Variants in MAGI2 observed in about 807,000 individuals in gnomAD.
MAGI2 encodes membrane-associated guanylate kinase, WW and PDZ domain-containing protein 2.
Under a neutral mutation model 133.3 loss-of-function variants are expected in MAGI2, and 35 were observed. The observed-to-expected ratio is 0.26, with a 90% CI of 0.20 to 0.35. MAGI2 has a LOEUF of 0.35. Among genes scored for constraint, MAGI2 ranks in the 10% least tolerant of loss-of-function variants. The pLI is 1.00. For synonymous variants in MAGI2, 729 were observed against 710.6 expected (o/e 1.03, Z -0.41); for missense variants, 1,636 against 1,863.4 (o/e 0.88, Z 2.25).
chr7:79,073,037 AAAC>A (rs926056311), intron 1 of MAGI2, among the ~76,000 whole-genome samples: 6 of 152,218 alleles, frequency 3.9e-5, no homozygotes, highest in East Asian at 1.9e-4. Flanking sequence ...AAACAAAAAC[AAAC>A]AACAACAACA....
intron 7 of MAGI2, among the ~76,000 whole-genome samples, chr7:78,355,065 G>A (rs1791922848): frequency 6.6e-6 from 1 of 152,152 alleles, no homozygotes; most frequent in Admixed American, 6.5e-5. Context: ...TTGTGACAGA[G>A]TTTTATATAA....
intron 2 of MAGI2, among the ~76,000 whole-genome samples, chr7:78,629,156 C>T (rs1185150438): frequency 1.3e-5 from 2 of 152,008 alleles, no homozygotes; most frequent in Admixed American, 1.3e-4. Context: ...CTTGGGAGGC[C>T]CATCAGTACT....
At chr7:78,233,903 AG>A (rs1790237040) in intron 10 of MAGI2, among the ~76,000 whole-genome samples, 1 of 152,174 alleles carries the variant, frequency 6.6e-6, no homozygotes, top group Non-Finnish European at 1.5e-5. Context: ...CCTTAGCATG[AG>A]GGAGAGAAAA....
At chr7:78,552,864 C>A (rs1046859404) in intron 3 of MAGI2, among the ~76,000 whole-genome samples, 2 of 151,960 alleles carry the variant, frequency 1.3e-5, no homozygotes, top group African/African-American at 4.8e-5. Flanking sequence ...GAAACAAGTT[C>A]GAAGGCAGAG....
chr7:79,115,996 A>G, intron 1 of MAGI2, among the ~76,000 whole-genome samples: 1 of 151,552 alleles, frequency 6.6e-6, no homozygotes, highest in Non-Finnish European at 1.5e-5. Context: ...TCTGCATCCC[A>G]TCAGCAAGGG....
intron 21 of MAGI2, among the ~76,000 whole-genome samples, chr7:78,038,409 T>G (rs770577542): frequency 3.5e-5 from 1 of 28,566 alleles, no homozygotes; most frequent in Non-Finnish European, 6.3e-5. Flanking sequence ...TTTTACTTTT[T>G]AATTAACTTT....
At chr7:79,013,186 A>G (rs1272655234) in intron 1 of MAGI2, among the ~76,000 whole-genome samples, 1 of 147,606 alleles carries the variant, frequency 6.8e-6, no homozygotes, top group Non-Finnish European at 1.5e-5. Context: ...TAACAAGACA[A>G]CCAAATTATT....
At chr7:78,375,225 C>T (rs1794326784) in intron 6 of MAGI2, among the ~76,000 whole-genome samples, 2 of 152,006 alleles carry the variant, frequency 1.3e-5, no homozygotes, top group South Asian at 4.1e-4. Context: ...TTTTTGTTGT[C>T]TTTCTGCTCC....
chr7:79,039,221 T>C lies in MAGI2; in HGVS notation c.302-32015A>G, dbSNP rs74540738. On this transcript the variant is annotated intron_variant, in intron 1 of 21. Coordinates refer to ENST00000354212, the MANE Select transcript of MAGI2 (RefSeq NM_012301.4). Reference sequence around the variant, plus strand: ...CCCACCTTCGCTCTGCACTTCTCTCTCCTGCCGCCATGTGAAGGACATGTT... The same window carrying C: ...CCCACCTTCGCTCTGCACTTCTCTCCCCTGCCGCCATGTGAAGGACATGTT... 2.2e-3 allele frequency among the ~76,000 whole-genome samples: 339 copies of C among 152,218 alleles called. 12 individuals carry two copies. The East Asian group carries it at 0.054, about 24-fold the overall frequency.
chr7:78,626,587 G>A (rs1242983292), intron 3 of MAGI2, among the ~76,000 whole-genome samples: 1 of 152,048 alleles, frequency 6.6e-6, no homozygotes, highest in Admixed American at 6.6e-5. Context: ...TACACAAGGA[G>A]ATTTCTATTG....
chr7:78,834,480 G>A (rs1242782702), intron 2 of MAGI2, among the ~76,000 whole-genome samples: 2 of 152,158 alleles, frequency 1.3e-5, no homozygotes, highest in African/African-American at 2.4e-5. Context: ...TTAGTGAAAT[G>A]TTTTCAAGTT....
intron 2 of MAGI2, among the ~76,000 whole-genome samples, chr7:78,902,201 G>C (rs985290033): frequency 6.6e-6 from 1 of 152,002 alleles, no homozygotes; most frequent in Non-Finnish European, 1.5e-5. Context: ...ATGATGTTTA[G>C]TTTTCTTAGA....
At chr7:78,126,232 CAG>C (rs1820972458) in intron 19 of MAGI2, among the ~76,000 whole-genome samples, 1 of 103,782 alleles carries the variant, frequency 9.6e-6, no homozygotes, top group African/African-American at 3.9e-5. Context: ...GTACAAATTA[CAG>C]AGTTTGCTGA....
At chr7:78,546,998 T>C (rs1448518859) in intron 3 of MAGI2, among the ~76,000 whole-genome samples, 1 of 152,230 alleles carries the variant, frequency 6.6e-6, no homozygotes, top group Non-Finnish European at 1.5e-5. Flanking sequence ...CCAGGGACCA[T>C]GCTCACTTAA....
chr7:78,982,179 G>A (rs1053046868), intron 2 of MAGI2, among the ~76,000 whole-genome samples: 1 of 151,882 alleles, frequency 6.6e-6, no homozygotes, highest in African/African-American at 2.4e-5. Context: ...ATTTCTGGAA[G>A]CTAGAGGTTT....
chr7:78,712,474 G>C (rs779791902), intron 2 of MAGI2, among the ~76,000 whole-genome samples: 1 of 152,192 alleles, frequency 6.6e-6, no homozygotes, highest in Non-Finnish European at 1.5e-5. Context: ...ACAAGAAGGC[G>C]TTGATTCCCA....
intron 2 of MAGI2, among the ~76,000 whole-genome samples, chr7:78,985,989 A>T (rs1440955611): frequency 1.3e-5 from 2 of 152,094 alleles, no homozygotes; most frequent in East Asian, 3.9e-4. Flanking sequence ...TAAGGATGAC[A>T]GTAACACATT....
At chr7:78,623,788 C>G (rs868006364) in intron 3 of MAGI2, among the ~76,000 whole-genome samples, 1 of 152,020 alleles carries the variant, frequency 6.6e-6, no homozygotes. Flanking sequence ...CATTGTGTAA[C>G]GACATTTTGG....
chr7:78,237,606 T>C (rs1016580689), intron 10 of MAGI2, among the ~76,000 whole-genome samples: 1 of 152,156 alleles, frequency 6.6e-6, no homozygotes, highest in Non-Finnish European at 1.5e-5. Context: ...AACAACAACA[T>C]TTCATCACTT....
Sources: allele counts gnomAD v4.1 joint callset (sites outside exome capture counted in the v4.1 genomes callset), GRCh38; gene constraint gnomAD v4.1.1; transcripts MANE v1.5; gene names NCBI Gene and HGNC (gene_info 2026-07-23, HGNC 2026-07-21).